The following NBAS variants were observed in gnomAD, a reference collection of about 807,000 sequenced individuals.
NBAS encodes the protein NBAS subunit of NRZ tethering complex, also known as NAG/BC035112 fusion.
In NBAS, 219 loss-of-function variants were observed where a neutral mutation model predicts 302.5. The observed-to-expected ratio is 0.72, with a 90% confidence interval of 0.65 to 0.81. NBAS has a LOEUF of 0.81. Among genes scored for constraint, NBAS ranks in the 30% least tolerant of loss-of-function variants. The pLI, the probability that NBAS is intolerant of heterozygous loss-of-function variation, is 0.00. For missense variants in NBAS, 2,932 were observed against 2,841.6 expected (o/e 1.03, Z -0.72); for synonymous variants, 1,118 against 1,021.6 (o/e 1.09, Z -1.80).
At chr2:14,951,630 C>T in the NBAS span, among the ~76,000 whole-genome samples, 45 of 152,156 alleles carry the variant, frequency 3.0e-4, no homozygotes, top group Non-Finnish European at 5.6e-4. Flanking sequence ...ACAAGAACTC[C>T]GCATTCCTCA....
At chr2:15,004,227 A>G in the NBAS span, among the ~76,000 whole-genome samples, 2,264 of 152,220 alleles carry the variant, frequency 0.015, 69 homozygotes, top group African/African-American at 0.052. Context: ...TCCCTTTTTT[A>G]CTGTATTTTC....
In NBAS at chr2:15,366,657, T is replaced by C. The variant is rs1674220002; in HGVS notation, c.3740A>G (p.Glu1247Gly). Residue 1247 changes from glutamate (E) to glycine (G), a missense_variant, in exon 32 of 52, where the codon GAG becomes GGG. Glu to Gly is a moderately conservative substitution (Grantham distance 98). Transcript: ENST00000281513. ...GCATGTGGGGGACTGGGAAATACAC[T>C]CCTTGATGAGACTGATCCGATCAGG... is the stretch of plus-strand genomic sequence containing the variant. ...LCPDRISLIK[E>G]CISQSPTCYK... The C allele has an allele frequency of 6.2e-7, 1 of 1,614,030 alleles. No homozygotes were observed.
In NBAS at chr2:15,171,956, T is replaced by C. The variant is rs118087498; in HGVS notation, c.6841-4633A>G. Among the ~76,000 whole-genome samples the C allele has an allele frequency of 1.1e-3, 165 of 152,262 alleles. 1 individual carries two copies. In the East Asian group the frequency reaches 0.028, roughly 26 times the overall value. ...TCTCCAAAACTGTAGGAAAATAAAT[T>C]TCTCTTGTTTAAGTCACTTAGTCTG... On this transcript the variant is annotated intron_variant, in intron 51 of 51. Coordinates refer to ENST00000281513, the MANE Select transcript of NBAS (RefSeq NM_015909.4).
chr2:15,458,445 T>A (rs567624248), intron 21 of NBAS, among the ~76,000 whole-genome samples: 16 of 152,256 alleles, frequency 1.1e-4, no homozygotes, highest in African/African-American at 3.4e-4. Flanking sequence ...TTCAGCACCA[T>A]CCCCTTGGTG....
chr2:15,238,065 G>A (rs970788400), intron 45 of NBAS, among the ~76,000 whole-genome samples: 1 of 152,086 alleles, frequency 6.6e-6, no homozygotes, highest in African/African-American at 2.4e-5. Context: ...GTGAGCCACC[G>A]CGCCCAGCCT....
At chr2:15,325,417 A>G (rs1025131105) in intron 38 of NBAS, among the ~76,000 whole-genome samples, 13 of 152,296 alleles carry the variant, frequency 8.5e-5, no homozygotes, top group Non-Finnish European at 1.9e-4. Flanking sequence ...AGCGTTCAGT[A>G]AGTCCTAATC....
At chr2:15,065,922 TAGCCAA>T in the NBAS span, among the ~76,000 whole-genome samples, 1 of 152,010 alleles carries the variant, frequency 6.6e-6, no homozygotes, top group Non-Finnish European at 1.5e-5. Flanking sequence ...AATCCCTGAG[TAGCCAA>T]AGCAATCAAA....
chr2:15,238,859 C>T (rs551628917), intron 44 of NBAS, among the ~76,000 whole-genome samples, 173 bp from the exon 45 acceptor site: 150 of 152,150 alleles, frequency 9.9e-4, no homozygotes, highest in African/African-American at 3.4e-3. Context: ...AGTGAGGTGC[C>T]ATTTGCATCA....
the NBAS span, among the ~76,000 whole-genome samples, chr2:14,781,746 C>CCAAA: frequency 7.4e-6 from 1 of 135,884 alleles, no homozygotes; most frequent in African/African-American, 2.6e-5. Flanking sequence ...GCTATTGTGA[C>CCAAA]AAAAAAAAAA....
At chr2:15,139,726 C>T in the NBAS span, among the ~76,000 whole-genome samples, 1 of 152,122 alleles carries the variant, frequency 6.6e-6, no homozygotes, top group Non-Finnish European at 1.5e-5. Flanking sequence ...CCCTAGTAGT[C>T]CTTCATCTGA....
chr2:14,954,562 C>A, the NBAS span, among the ~76,000 whole-genome samples: 1 of 151,930 alleles, frequency 6.6e-6, no homozygotes, highest in African/African-American at 2.4e-5. Context: ...AAGGACATAC[C>A]CAAGACTGGG....
chr2:14,964,494 C>A, the NBAS span, among the ~76,000 whole-genome samples: 2 of 152,066 alleles, frequency 1.3e-5, no homozygotes, highest in African/African-American at 4.8e-5. Context: ...GAGGACATAA[C>A]ACTCCTAAAA....
At chr2:15,373,173 C>G (rs1233480068) in intron 31 of NBAS, among the ~76,000 whole-genome samples, 1 of 152,062 alleles carries the variant, frequency 6.6e-6, no homozygotes, top group Admixed American at 6.6e-5. Context: ...AAGTTTTGAG[C>G]TCAAAAGTCA....
At chr2:14,985,695 T>C in the NBAS span, among the ~76,000 whole-genome samples, 7 of 152,342 alleles carry the variant, frequency 4.6e-5, no homozygotes, top group South Asian at 2.1e-4. Flanking sequence ...GGTTTAAATG[T>C]CTAGAAGCTA....
intron 21 of NBAS, among the ~76,000 whole-genome samples, chr2:15,445,935 C>T (rs1017822093): frequency 6.7e-6 from 1 of 150,286 alleles, no homozygotes; most frequent in African/African-American, 2.4e-5. Flanking sequence ...CTGAAGGCAT[C>T]AATTATAGAC....
chr2:15,497,780 T>C (rs148671102), intron 11 of NBAS, among the ~76,000 whole-genome samples: 137 of 152,314 alleles, frequency 9.0e-4, no homozygotes, highest in African/African-American at 3.2e-3. Flanking sequence ...AATATATTGA[T>C]GTTGATAGCA....
chr2:15,311,458 C>T (rs946519351), intron 38 of NBAS, among the ~76,000 whole-genome samples: 2 of 152,128 alleles, frequency 1.3e-5, no homozygotes, highest in Admixed American at 1.3e-4. Flanking sequence ...TCAGTTACAA[C>T]ATGTTTTCGT....
At position 15,518,339 on chromosome 2, in the gene NBAS, G is replaced by T. The variant is rs547802320; in HGVS notation, c.747-6989C>A. Among the ~76,000 whole-genome samples, 11 of 152,136 alleles carry T rather than the reference G, an allele frequency of 7.2e-5. No individual in the cohort carries two copies. In the East Asian group the frequency reaches 2.1e-3, roughly 29 times the overall value. ...TTTTTAAGAAATCTAGTCTATAAAAGCTAACATTGTAGCAAATAATTTATA... is the reference window on the plus strand; with the variant it reads ...TTTTTAAGAAATCTAGTCTATAAAATCTAACATTGTAGCAAATAATTTATA... On this transcript the variant is annotated intron_variant, in intron 9 of 51. Coordinates refer to ENST00000281513, the MANE Select transcript of NBAS (RefSeq NM_015909.4).
chr2:15,451,184 G>T (rs11687986), intron 21 of NBAS, among the ~76,000 whole-genome samples: 88,021 of 151,870 alleles, frequency 0.58, 26,897 homozygotes, highest in Non-Finnish European at 0.68. Flanking sequence ...CCGAGTAGCT[G>T]GGGCTACAGA....
Sources: gnomAD v4.1 joint callset for allele counts (sites outside exome capture counted in the v4.1 genomes callset) on GRCh38, gnomAD v4.1.1 for gene constraint, MANE v1.5 for transcripts, NCBI Gene and HGNC (gene_info 2026-07-23, HGNC 2026-07-21) for gene names.